The following CFTR variants were observed in gnomAD, a reference collection of about 807,000 sequenced individuals.
The protein encoded by CFTR is CF transmembrane conductance regulator, also known as cystic fibrosis transmembrane conductance regulator.
CFTR carries 181 observed loss-of-function variants against 171.6 expected under a neutral mutation model. The observed-to-expected ratio is 1.05, with a 90% CI of 0.93 to 1.19. The LOEUF (loss-of-function observed/expected upper bound fraction) is 1.19, where lower values mean the gene tolerates loss of function less well. Among genes scored for constraint, CFTR ranks in the 50% most tolerant of loss-of-function variants. CFTR has a pLI of 0.00. For synonymous variants in CFTR, 583 were observed against 608.0 expected (o/e 0.96, Z 0.60); for missense variants, 1,968 against 1,734.7 (o/e 1.13, Z -2.39).
chr7:117,550,874 G>T (rs1004993180), intron 10 of CFTR, among the ~76,000 whole-genome samples: 12 of 152,152 alleles, frequency 7.9e-5, no homozygotes, highest in Admixed American at 7.2e-4. Flanking sequence ...GAGAAACGGA[G>T]TTTACTAACT....
intron 24 of CFTR, among the ~76,000 whole-genome samples, chr7:117,664,433 C>A (rs1793335262): frequency 6.6e-6 from 1 of 152,152 alleles, no homozygotes; most frequent in Non-Finnish European, 1.5e-5. Context: ...GGATACCTGG[C>A]ACGTAATAGA....
chr7:117,486,927 AC>A (rs1798084359), intron 1 of CFTR, among the ~76,000 whole-genome samples: 1 of 151,202 alleles, frequency 6.6e-6, no homozygotes, highest in Admixed American at 6.6e-5. Context: ...GATTTGAAAG[AC>A]ATTTAGGAGG....
rs397508381 is a variant in CFTR, at chr7:117,592,643, G to A, written c.2476G>A (p.Glu826Lys). The change falls in exon 14 of 27, where the codon GAA becomes AAA. Residue 826 changes from glutamate (E) to lysine (K), a missense_variant. Transcript: ENST00000003084. ...TGLEISEEIN[E>K]EDLKECFFDD... ...CTTGGAAATAAGTGAAGAAATTAAC[G>A]AAGAAGACTTAAAGGTAGGTATACA... 1.2e-5 allele frequency: 18 copies of A among 1,542,024 alleles called. No homozygotes were observed. The highest frequency in any genetic ancestry group is 1.3e-5 in the Non-Finnish European group (15 of 1,151,830).
At position 117,612,032 on chromosome 7, in the gene CFTR, TATATATATATATATATATATAC is replaced by T. The variant is rs1283255059; in HGVS notation, c.3367+238_3367+259del. ...ATATATATATATATATGTATATATATATATATATATATATATATATACATATATATATATAGTATTATCCCTG... is the reference window on the plus strand; with the variant it reads ...ATATATATATATATATGTATATATATATATATATATATAGTATTATCCCTG... On this transcript the variant is annotated intron_variant, in intron 20 of 26. Coordinates refer to ENST00000003084, the MANE Select transcript of CFTR (RefSeq NM_000492.4). Among the ~76,000 whole-genome samples, 53 of 76,700 alleles carry T rather than the reference TATATATATATATATATATATAC, an allele frequency of 6.9e-4. No individual in the cohort carries two copies. Among genetic ancestry groups the T allele is most frequent in the East Asian group, 4.0e-3 (15 of 3,760 alleles). 50.3% of individuals were successfully genotyped at this position (76,700 alleles called of 152,430 possible). A position where few individuals can be genotyped will look rare whatever the true frequency, so the allele number is the denominator to read the frequency against.
At chr7:117,542,191 TA>T (rs1464382400) in intron 9 of CFTR, 83 bp downstream of exon 9, 1 of 748,884 alleles carries the variant, frequency 1.3e-6, no homozygotes, top group Non-Finnish European at 2.5e-6. Flanking sequence ...TAATGGCGAA[TA>T]AAATTAGAAT....
intron 14 of CFTR, 122 bp downstream of exon 14, chr7:117,592,779 CAG>C (rs1319704545): frequency 1.7e-5 from 14 of 801,942 alleles, no homozygotes; most frequent in Non-Finnish European, 2.4e-5. Context: ...TCTTAAAACT[CAG>C]AAAGTATGAA....
chr7:117,514,606 C>G (rs1017530202), intron 3 of CFTR, among the ~76,000 whole-genome samples: 2 of 152,056 alleles, frequency 1.3e-5, no homozygotes, highest in Non-Finnish European at 2.9e-5. Context: ...GTAAATAGTT[C>G]TGCAGTAAAC....
chr7:117,593,400 T>C (rs1450348579), intron 14 of CFTR, among the ~76,000 whole-genome samples: 1 of 152,184 alleles, frequency 6.6e-6, no homozygotes, highest in Non-Finnish European at 1.5e-5. Context: ...TGAATTGATA[T>C]GTTTAATAGT....
chr7:117,606,650 A>G (rs750003759), intron 17 of CFTR, 24 bp from the exon 18 acceptor site: 2 of 1,272,862 alleles, frequency 1.6e-6, no homozygotes, highest in Admixed American at 3.4e-5. Flanking sequence ...TTTTTTGAGG[A>G]ATTTGTCATC....
At chr7:117,603,138 G>A (rs1044558316) in intron 16 of CFTR, among the ~76,000 whole-genome samples, 15 of 151,990 alleles carry the variant, frequency 9.9e-5, no homozygotes, top group African/African-American at 1.9e-4. Context: ...AGTAGCCACC[G>A]CACTCCAGCC....
chr7:117,618,773 G>T (rs1244419103), intron 21 of CFTR, among the ~76,000 whole-genome samples: 2 of 152,074 alleles, frequency 1.3e-5, no homozygotes, highest in Non-Finnish European at 2.9e-5. Context: ...GCCCTATTTG[G>T]CAGGTTGGAT....
intron 1 of CFTR, among the ~76,000 whole-genome samples, chr7:117,482,312 G>A (rs1025778262): frequency 1.3e-5 from 2 of 152,098 alleles, no homozygotes; most frequent in African/African-American, 2.4e-5. Flanking sequence ...ATTATGGTAT[G>A]AGTTATAGAT....
Position 117,606,677 on chromosome 7 carries a change from G to A in CFTR, c.2912G>A (p.Gly971Glu). The A allele has an allele frequency of 2.6e-6, 4 of 1,530,408 alleles. No individual in the cohort carries two copies. The highest frequency in any genetic ancestry group is 3.6e-6 in the Non-Finnish European group (4 of 1,104,478). The allele number at this position is 1,530,408 out of a possible 1,614,324, so 94.8% of individuals were successfully genotyped here. A position where few individuals can be genotyped will look rare whatever the true frequency, so the allele number is the denominator to read the frequency against. ...TTTGTCATCTTGTATATTATAGGTG[G>A]GATTCTTAATAGATTCTCCAAAGAT... Reference protein sequence around the residue: ...MSTLNTLKAGGILNRFSKDIA... With the variant: ...MSTLNTLKAGEILNRFSKDIA... Residue 971 changes from glycine (G) to glutamate (E), a missense_variant, in exon 18 of 27, where the codon GGG (glycine) becomes GAG (glutamate). By Grantham distance (98) the Gly-to-Glu change is moderately conservative. Coordinates refer to ENST00000003084, the MANE Select transcript of CFTR (RefSeq NM_000492.4).
At chr7:117,664,984 G>T in intron 25 of CFTR, 124 bp downstream of exon 25, 1 of 1,019,328 alleles carries the variant, frequency 9.8e-7, no homozygotes, top group Non-Finnish European at 1.5e-6. Context: ...CCCAAGATAT[G>T]AAATAATTGC....
At chr7:117,487,780 A>G (rs1239482254) in intron 1 of CFTR, 1 of 152,144 alleles carries the variant, frequency 6.6e-6, no homozygotes, top group East Asian at 1.9e-4. Context: ...CTAGAATTTC[A>G]TTTGATACCA....
Position 117,548,825 on chromosome 7 carries a change from T to TAG in CFTR, c.1392+3_1392+4dup. Reference sequence around the variant, plus strand: ...GCTGGATCCACTGGAGCAGGCAAGGTAGTTCTTTTGTTCTTCACTATTAAG... The same window carrying TAG: ...GCTGGATCCACTGGAGCAGGCAAGGTAGAGTTCTTTTGTTCTTCACTATTAAG... On this transcript the variant is annotated splice_region_variant and intron_variant, in intron 10 of 26. Coordinates refer to ENST00000003084, the MANE Select transcript of CFTR (RefSeq NM_000492.4). 6.2e-7 allele frequency: 1 copy of TAG among 1,608,370 alleles called. No homozygotes were observed.
intron 11 of CFTR, among the ~76,000 whole-genome samples, chr7:117,578,904 CTCAG>C (rs1195564390): frequency 2.0e-5 from 3 of 152,130 alleles, no homozygotes; most frequent in South Asian, 2.1e-4. Flanking sequence ...TAACTCTTCT[CTCAG>C]TCAAACTTTT....
At chr7:117,661,905 G>T (rs1793294020) in intron 24 of CFTR, among the ~76,000 whole-genome samples, 1 of 150,746 alleles carries the variant, frequency 6.6e-6, no homozygotes, top group African/African-American at 2.4e-5. Context: ...AGCTGAGGAG[G>T]GCAGATTCAA....
At chr7:117,561,377 A>G (rs1799461451) in intron 11 of CFTR, among the ~76,000 whole-genome samples, 1 of 151,986 alleles carries the variant, frequency 6.6e-6, no homozygotes, top group Admixed American at 6.6e-5. Context: ...GTGTTTTTTT[A>G]GCATATTCAC....
Sources: gnomAD v4.1 joint callset for allele counts (sites outside exome capture counted in the v4.1 genomes callset) on GRCh38, gnomAD v4.1.1 for gene constraint, MANE v1.5 for transcripts, NCBI Gene and HGNC (gene_info 2026-07-23, HGNC 2026-07-21) for gene names.